ANGPT2: variants seen among roughly 807,000 people sequenced by gnomAD.
The protein encoded by ANGPT2 is angiopoietin 2.
In ANGPT2, 28 loss-of-function variants were observed where a neutral mutation model predicts 62.9. The ratio of observed to expected loss-of-function variants is 0.44; its 90% CI spans 0.33 to 0.61. The LOEUF is 0.61. Among genes scored for constraint, ANGPT2 ranks in the 20% least tolerant of loss-of-function variants. The pLI, the probability that ANGPT2 is intolerant of heterozygous loss-of-function variation, is 0.03. For synonymous variants in ANGPT2, 284 were observed against 207.8 expected (o/e 1.37, Z -3.15); for missense variants, 727 against 594.9 (o/e 1.22, Z -2.31).
At chr8:6,515,713 A>G (rs1816136335) in intron 5 of ANGPT2, among the ~76,000 whole-genome samples, 2 of 152,232 alleles carry the variant, frequency 1.3e-5, no homozygotes, top group Admixed American at 6.5e-5. Context: ...TTTCTGCCAC[A>G]TACAAGGTAG....
chr8:6,525,151 C>G (rs374523667), intron 3 of ANGPT2, among the ~76,000 whole-genome samples: 9 of 152,346 alleles, frequency 5.9e-5, no homozygotes, highest in East Asian at 5.8e-4. Flanking sequence ...AAGGAACTGG[C>G]TACCCATTAC....
At chr8:6,503,867 C>G (rs1586166170) in intron 8 of ANGPT2, among the ~76,000 whole-genome samples, 2 of 152,252 alleles carry the variant, frequency 1.3e-5, no homozygotes, top group Middle Eastern at 6.8e-3. Context: ...CCCATCTGCA[C>G]CTTAATTTCT....
chr8:6,526,257 TAAAAA>T (rs35519559), intron 3 of ANGPT2, among the ~76,000 whole-genome samples: 1 of 77,502 alleles, frequency 1.3e-5, no homozygotes. Flanking sequence ...TTGCCTCTAC[TAAAAA>T]AAAAAAAAAA....
At chr8:6,555,355 C>G (rs1481180131) in intron 1 of ANGPT2, among the ~76,000 whole-genome samples, 1 of 152,174 alleles carries the variant, frequency 6.6e-6, no homozygotes, top group Non-Finnish European at 1.5e-5. Context: ...AGCGTTTCCC[C>G]CTGTCAACTT....
intron 2 of ANGPT2, among the ~76,000 whole-genome samples, chr8:6,530,035 T>C (rs1807209): frequency 0.38 from 58,361 of 151,914 alleles, 11,488 homozygotes; most frequent in African/African-American, 0.4. Flanking sequence ...TTTTGCCAAG[T>C]TCCCATGCTT....
In ANGPT2 at chr8:6,555,188, G is replaced by T. The variant is rs528213276; in HGVS notation, c.288+7459C>A. Among the ~76,000 whole-genome samples the T allele has an allele frequency of 4.6e-5, 7 of 152,104 alleles. No homozygotes were observed. The East Asian group carries it at 1.4e-3, about 29-fold the overall frequency. Reference sequence around the variant, plus strand: ...TTTTAAGCATTAACATAATCCAAGTGCCAGGCCATTTTTGGTGATCCAGTC... The same window carrying T: ...TTTTAAGCATTAACATAATCCAAGTTCCAGGCCATTTTTGGTGATCCAGTC... On this transcript the variant is annotated intron_variant, in intron 1 of 8. Transcript: ENST00000629816.
At chr8:6,556,940 TGCC>T (rs2129575433) in intron 1 of ANGPT2, among the ~76,000 whole-genome samples, 1 of 152,290 alleles carries the variant, frequency 6.6e-6, no homozygotes, top group South Asian at 2.1e-4. Flanking sequence ...GAACCAACAC[TGCC>T]TGGACATGTG....
chr8:6,530,583 G>GAT (rs1187070260), intron 2 of ANGPT2, among the ~76,000 whole-genome samples: 1 of 147,900 alleles, frequency 6.8e-6, no homozygotes, highest in African/African-American at 2.5e-5. Context: ...ATTCGCTTTA[G>GAT]ATATATATTG....
At chr8:6,550,332 G>A (rs899615884) in intron 1 of ANGPT2, among the ~76,000 whole-genome samples, 2 of 152,168 alleles carry the variant, frequency 1.3e-5, no homozygotes, top group Admixed American at 6.5e-5. Context: ...TCCTGGGAGT[G>A]AGGCAGTGTG....
intron 8 of ANGPT2, among the ~76,000 whole-genome samples, chr8:6,506,102 G>C (rs17077194): frequency 0.43 from 60,676 of 140,670 alleles, 14,409 homozygotes; most frequent in Middle Eastern, 0.52. Context: ...TTCCTACATT[G>C]TTTCTTGGTG....
Position 6,527,588 on chromosome 8 carries a change from G to T in ANGPT2, c.533C>A (p.Thr178Asn), listed in dbSNP as rs372338531. Residue 178 changes from threonine to asparagine, a missense_variant, in exon 3 of 9, where the codon ACC becomes AAC. By Grantham distance (65) the Thr-to-Asn change is moderately conservative. Coordinates refer to ENST00000629816, the MANE Select transcript of ANGPT2 (RefSeq NM_001118887.2). ...NKLEKQILDQTSEINKLQDKN... is the reference protein window; with the variant it reads ...NKLEKQILDQNSEINKLQDKN... ...ATCTTGCAATTTGTTTATTTCACTG[G>T]TCTGGTCCAAAATCTGTTTTTCCAA... The T allele has an allele frequency of 2.5e-6, 4 of 1,613,916 alleles. No individual in the cohort carries two copies. The African/African-American group carries it at 4.0e-5, about 16-fold the overall frequency.
At chr8:6,520,300 T>A (rs558469416) in intron 4 of ANGPT2, among the ~76,000 whole-genome samples, 18 of 152,350 alleles carry the variant, frequency 1.2e-4, no homozygotes, top group African/African-American at 4.1e-4. Context: ...TAAATTAAAT[T>A]ATTACTTTTG....
chr8:6,536,709 T>G (rs996762171), intron 1 of ANGPT2, among the ~76,000 whole-genome samples: 2 of 152,190 alleles, frequency 1.3e-5, no homozygotes, highest in African/African-American at 2.4e-5. Flanking sequence ...TAATGTAGCC[T>G]TTCCATAAAT....
intron 5 of ANGPT2, among the ~76,000 whole-genome samples, chr8:6,519,055 C>T (rs1031690262): frequency 2.6e-5 from 4 of 152,138 alleles, no homozygotes; most frequent in East Asian, 1.9e-4. Context: ...TGTCCACTCA[C>T]GTTACATGCA....
chr8:6,522,830 C>T (rs1376340714), intron 3 of ANGPT2, among the ~76,000 whole-genome samples: 1 of 151,836 alleles, frequency 6.6e-6, no homozygotes, highest in Admixed American at 6.6e-5. Context: ...TACCTAAAGT[C>T]ACACACAGCA....
At chr8:6,530,474 A>C (rs1179233019) in intron 2 of ANGPT2, among the ~76,000 whole-genome samples, 1 of 143,268 alleles carries the variant, frequency 7.0e-6, no homozygotes, top group African/African-American at 2.6e-5. Flanking sequence ...ACACCACTGC[A>C]CTCCAACCTG....
At chr8:6,544,485 C>T (rs151067132) in intron 1 of ANGPT2, among the ~76,000 whole-genome samples, 6 of 152,240 alleles carry the variant, frequency 3.9e-5, no homozygotes, top group South Asian at 2.1e-4. Flanking sequence ...ATATATGTTA[C>T]GTCAAACTGT....
chr8:6,527,600 A>G lies in ANGPT2; in HGVS notation c.521T>C (p.Ile174Thr). 1.2e-6 allele frequency: 2 copies of G among 1,613,994 alleles called. No individual in the cohort carries two copies. The highest frequency in any genetic ancestry group is 1.7e-6 in the Non-Finnish European group (2 of 1,179,968). ...GTTTATTTCACTGGTCTGGTCCAAA[A>G]TCTGTTTTTCCAATTTGTTTGTCGA... The part of the protein sequence containing the change: ...SLSTNKLEKQ[I>T]LDQTSEINKL... Residue 174 changes from isoleucine to threonine, a missense_variant, in exon 3 of 9, where the codon ATT becomes ACT. Transcript: ENST00000629816.
intron 3 of ANGPT2, among the ~76,000 whole-genome samples, chr8:6,522,873 T>C (rs1234276314): frequency 6.6e-6 from 1 of 152,202 alleles, no homozygotes; most frequent in Non-Finnish European, 1.5e-5. Context: ...CCCAGAACTT[T>C]CTGACTCTGA....
Sources: gnomAD v4.1 joint callset for allele counts (sites outside exome capture counted in the v4.1 genomes callset) on GRCh38, gnomAD v4.1.1 for gene constraint, MANE v1.5 for transcripts, NCBI Gene and HGNC (gene_info 2026-07-23, HGNC 2026-07-21) for gene names.